ABR: variants seen among roughly 807,000 people sequenced by gnomAD.
ABR encodes the protein active breakpoint cluster region-related protein.
A neutral mutation model predicts 107.2 loss-of-function variants in ABR; 35 were observed. That is an observed-to-expected ratio of 0.33 (90% CI 0.25 to 0.43). The LOEUF is 0.43. Ranked by LOEUF, ABR falls within the 20% of genes least tolerant of loss-of-function variation. The probability of loss-of-function intolerance (pLI) is 1.00; values close to 1 mark genes in which losing one functional copy is unlikely to be tolerated. For synonymous variants in ABR, 498 were observed against 462.0 expected (o/e 1.08, Z -1.00); for missense variants, 815 against 1,115.2 (o/e 0.73, Z 3.83).
At chr17:1,184,618 A>G (rs2042235194), upstream of ABR, among the ~76,000 whole-genome samples, 1 of 151,876 alleles carries the variant, frequency 6.6e-6, no homozygotes. Context: ...GGCATTCAAT[A>G]ATGCACATTG....
In ABR at chr17:1,176,568, G is replaced by A. The variant is rs150483527; in HGVS notation, c.61+3099C>T. On this transcript the variant is annotated intron_variant, in intron 1 of 22. Transcript: ENST00000302538. ...GGATAGAAAGTGCCTAGCACAGGCC[G>A]GGCGCAGTGGCTCACGCCAGTAATC... Among the ~76,000 whole-genome samples the A allele has an allele frequency of 3.2e-3, 490 of 152,310 alleles. 3 individuals carry two copies. Among genetic ancestry groups the A allele is most frequent in the African/African-American group, 0.011 (437 of 41,568 alleles).
chr17:1,024,042 A>AAAAAAG, intron 16 of ABR, among the ~76,000 whole-genome samples: 1 of 149,036 alleles, frequency 6.7e-6, no homozygotes, highest in Non-Finnish European at 1.5e-5. Context: ...AAAAAAAAAA[A>AAAAAAG]AAAAAAAGCA....
Position 1,005,967 on chromosome 17 carries a change from C to G in ABR, c.*113G>C. On this transcript the variant is annotated 3_prime_UTR_variant, in exon 23 of 23. Transcript: ENST00000302538. ...CCAGTTCTTGGAAGCTGGCTTCCCT[C>G]GAGTCTGGAGTGCTGGGTTTGGGAG... is the stretch of plus-strand genomic sequence containing the variant. The G allele has an allele frequency of 1.0e-6, 1 of 996,734 alleles. No individual in the cohort carries two copies. The highest frequency in any genetic ancestry group is 1.5e-6 in the Non-Finnish European group (1 of 654,592). 61.7% of individuals were successfully genotyped at this position (996,734 alleles called of 1,614,324 possible). A position where few individuals can be genotyped will look rare whatever the true frequency, so the allele number is the denominator to read the frequency against.
At chr17:1,133,208 C>T (rs934603738) in intron 1 of ABR, among the ~76,000 whole-genome samples, 2 of 150,940 alleles carry the variant, frequency 1.3e-5, no homozygotes, top group African/African-American at 4.9e-5. Flanking sequence ...CAACATTGCT[C>T]TCCAGCCTTG....
intron 21 of ABR, among the ~76,000 whole-genome samples, chr17:1,009,130 C>A (rs1160352620): frequency 2.0e-5 from 3 of 152,124 alleles, no homozygotes; most frequent in Non-Finnish European, 4.4e-5. Flanking sequence ...AAAGCAGCAC[C>A]TGCATCAAGG....
intron 1 of ABR, among the ~76,000 whole-genome samples, chr17:1,195,729 G>C (rs549209637): frequency 6.6e-6 from 1 of 150,868 alleles, no homozygotes; most frequent in South Asian, 2.1e-4. Flanking sequence ...GTGTGAACCC[G>C]GGAGGCAAAG....
At chr17:1,146,260 G>GACACACACACACACAC (rs60058475) in intron 1 of ABR, among the ~76,000 whole-genome samples, 59 of 140,212 alleles carry the variant, frequency 4.2e-4, no homozygotes, top group African/African-American at 1.1e-3. Context: ...GGCACATGGA[G>GACACACACACACACAC]ACACACACAC....
chr17:1,049,924 G>T, intron 16 of ABR, 126 bp downstream of exon 16: 1 of 1,350,996 alleles, frequency 7.4e-7, no homozygotes, highest in Non-Finnish European at 1.0e-6. Flanking sequence ...CCACCTCCTG[G>T]GAACTTTCCT....
chr17:1,056,142 T>C, intron 13 of ABR, 33 bp from the exon 14 acceptor site: 1 of 1,598,310 alleles, frequency 6.3e-7, no homozygotes, highest in Non-Finnish European at 8.6e-7. Context: ...GGGCAGAGGG[T>C]GGTCAGCGGA....
exon 1 of ABR, chr17:1,228,897 C>A: frequency 6.6e-6 from 1 of 151,782 alleles, no homozygotes; most frequent in Non-Finnish European, 1.5e-5. Flanking sequence ...CCGCAGGAAC[C>A]TGCGGCGCCG....
At chr17:1,143,888 A>G (rs1299185463) in intron 1 of ABR, among the ~76,000 whole-genome samples, 1 of 152,074 alleles carries the variant, frequency 6.6e-6, no homozygotes, top group Admixed American at 6.5e-5. Flanking sequence ...TTGGGGATGG[A>G]TGGGACATGC....
intron 1 of ABR, among the ~76,000 whole-genome samples, chr17:1,222,993 C>T (rs1201494225): frequency 2.0e-5 from 3 of 151,876 alleles, no homozygotes; most frequent in Non-Finnish European, 2.9e-5. Context: ...CCTGAGGTCA[C>T]GAGTTCAAGA....
rs1239048419 is a variant in ABR at position 1,009,737 on chromosome 17, G to A, written c.2284C>T (p.Arg762Cys). Reference sequence around the variant, plus strand: ...ATGAGGTTGGGGTCGGGCAGGGAGCGGAGCAGGTGCATCATGCAGTTTTCC... The same window carrying A: ...ATGAGGTTGGGGTCGGGCAGGGAGCAGAGCAGGTGCATCATGCAGTTTTCC... The part of the protein sequence containing the change: ...AKENCMMHLL[R>C]SLPDPNLITF... Residue 762 changes from arginine (R) to cysteine (C), a missense_variant, in exon 21 of 23, where the codon CGC (arginine) becomes TGC (cysteine). Around this residue, in one of 5 missense-constraint regions of ABR, gnomAD observed 175 missense variants for 284.3 expected, o/e 0.62. Transcript: ENST00000302538. 2.5e-6 allele frequency: 4 copies of A among 1,614,020 alleles called. No homozygotes were observed. Among genetic ancestry groups the A allele is most frequent in the African/African-American group, 1.3e-5 (1 of 74,942 alleles).
rs147704799 is a variant in ABR, at chr17:1,162,718, G to A, written c.61+16949C>T. Among the ~76,000 whole-genome samples, 411 of 151,254 alleles carry A rather than the reference G, an allele frequency of 2.7e-3. 2 individuals carry two copies. Among genetic ancestry groups the A allele is most frequent in the Middle Eastern group, 0.014 (4 of 290 alleles). On this transcript the variant is annotated intron_variant, in intron 1 of 22. Transcript: ENST00000302538. Reference sequence around the variant, plus strand: ...AGGCCAAGCACAGTGGCTCACACCTGTCATCCCAGCACTTTGAAAGGCTAG... The same window carrying A: ...AGGCCAAGCACAGTGGCTCACACCTATCATCCCAGCACTTTGAAAGGCTAG...
chr17:1,014,030 G>A (rs2070900527), intron 16 of ABR, among the ~76,000 whole-genome samples: 1 of 152,236 alleles, frequency 6.6e-6, no homozygotes, highest in Non-Finnish European at 1.5e-5. Context: ...CAAAGAGTAT[G>A]ATTTCCAAAA....
At chr17:1,112,830 C>A (rs1248711128) in intron 2 of ABR, among the ~76,000 whole-genome samples, 1 of 152,176 alleles carries the variant, frequency 6.6e-6, no homozygotes, top group South Asian at 2.1e-4. Flanking sequence ...TGACTCCCCA[C>A]AGTCTTCCCC....
intron 11 of ABR, 91 bp from the exon 12 acceptor site, chr17:1,058,136 C>CTTTTTTT (rs71148422): frequency 4.4e-5 from 14 of 318,876 alleles, no homozygotes; most frequent in Non-Finnish European, 5.5e-5. Flanking sequence ...CTCCTTTTAT[C>CTTTTTTT]TTTTTTTTTT....
At position 1,071,590 on chromosome 17, in the gene ABR, G is replaced by T. The variant is rs577729349; in HGVS notation, c.894+1024C>A. ...CATGCAGGTGCCCACTGGACATTCC[G>T]GCAACCTGGACGGCCTCCACCACCT... is the stretch of plus-strand genomic sequence containing the variant. On this transcript the variant is annotated intron_variant, in intron 8 of 22. Coordinates refer to ENST00000302538, the MANE Select transcript of ABR (RefSeq NM_021962.5). The surrounding 1 kb of genome is among the most constrained non-coding windows in gnomAD (Gnocchi z 5.1). Among the ~76,000 whole-genome samples the T allele has an allele frequency of 6.6e-6, 1 of 152,192 alleles. No homozygotes were observed. The highest frequency in any genetic ancestry group is 1.5e-5 in the Non-Finnish European group (1 of 68,022).
chr17:1,170,550 C>T (rs2041669562), intron 1 of ABR, among the ~76,000 whole-genome samples: 1 of 152,180 alleles, frequency 6.6e-6, no homozygotes, highest in Admixed American at 6.5e-5. Context: ...AATTCTCCTA[C>T]CTCAGCCTCC....
Sources: allele counts gnomAD v4.1 joint callset (sites outside exome capture counted in the v4.1 genomes callset), GRCh38; gene constraint gnomAD v4.1.1; regional missense constraint gnomAD v4.1.1; non-coding constraint Gnocchi (gnomAD v3.1); transcripts MANE v1.5; gene names NCBI Gene and HGNC (gene_info 2026-07-23, HGNC 2026-07-21).